Variants in ZSCAN2 observed in about 807,000 individuals in gnomAD.
ZSCAN2 encodes the protein zinc finger and SCAN domain containing 2.
A neutral mutation model predicts 47.8 loss-of-function variants in ZSCAN2; 26 were observed. The ratio of observed to expected loss-of-function variants is 0.54; its 90% CI spans 0.40 to 0.75. The LOEUF (loss-of-function observed/expected upper bound fraction) is 0.75, where lower values mean the gene tolerates loss of function less well. Among genes scored for constraint, ZSCAN2 ranks in the 30% least tolerant of loss-of-function variants. ZSCAN2 has a pLI of 0.00. For missense variants in ZSCAN2, 732 were observed against 785.4 expected, an observed-to-expected ratio of 0.93 and a Z score of 0.81; for synonymous variants, 305 against 288.7, an observed-to-expected ratio of 1.06 and a Z score of -0.57.
chr15:84,621,955 A>G lies in ZSCAN2; in HGVS notation c.1760A>G (p.Lys587Arg). The G allele has an allele frequency of 6.2e-7, 1 of 1,613,656 alleles. No homozygotes were observed. The change falls in exon 3 of 3, where the codon AAA (lysine) becomes AGA (arginine). Residue 587 changes from lysine to arginine, a missense_variant. Around this residue, in one of 2 missense-constraint regions of ZSCAN2, gnomAD observed 412 missense variants for 498.0 expected, o/e 0.83. Coordinates refer to ENST00000546148, the MANE Select transcript of ZSCAN2 (RefSeq NM_181877.4). This position sits in a 1 kb window ranked among gnomAD's most constrained non-coding sequence, Gnocchi z 5.7. Reference protein sequence around the residue: ...QRIHTGEKPYKCPECGKGFSN... With the variant: ...QRIHTGEKPYRCPECGKGFSN... ...ATCCACACTGGGGAGAAGCCCTACA[A>G]ATGCCCCGAGTGTGGCAAAGGCTTC...
chr15:84,606,387 A>T, intron 2 of ZSCAN2: 1 of 683,804 alleles, frequency 1.5e-6, no homozygotes, highest in Non-Finnish European at 2.6e-6. Flanking sequence ...TGGAGCCAGG[A>T]TTCAAACCCA....
intron 2 of ZSCAN2, among the ~76,000 whole-genome samples, chr15:84,604,628 G>A (rs573856552): frequency 1.3e-5 from 2 of 152,316 alleles, no homozygotes; most frequent in South Asian, 4.1e-4. Context: ...TAAACGGGAG[G>A]AGATGGAGAC....
At chr15:84,617,908 A>G (rs937863642) in intron 2 of ZSCAN2, among the ~76,000 whole-genome samples, 4 of 152,144 alleles carry the variant, frequency 2.6e-5, no homozygotes, top group Non-Finnish European at 5.9e-5. Flanking sequence ...CTACTGTACT[A>G]CCGCCTCGGT....
Position 84,621,752 on chromosome 15 carries a change from G to A in ZSCAN2, c.1557G>A (p.Val519=). ...TCAGCCAGCGCTCCCAGCTCGTAGTGCACCAGCGGACCCACACGGGCGAGA... is the reference window on the plus strand; with the variant it reads ...TCAGCCAGCGCTCCCAGCTCGTAGTACACCAGCGGACCCACACGGGCGAGA... ...KCFSQRSQLV[V]HQRTHTGEKP... is the part of the protein sequence containing the mutation. Residue 519 remains valine (V), a synonymous_variant, in exon 3 of 3, where the codon GTG becomes GTA. Transcript: ENST00000546148. The surrounding 1 kb of genome is among the most constrained non-coding windows in gnomAD (Gnocchi z 5.7). The A allele has an allele frequency of 6.2e-7, 1 of 1,614,094 alleles. No homozygotes were observed. The highest frequency in any genetic ancestry group is 8.5e-7 in the Non-Finnish European group (1 of 1,180,008).
In ZSCAN2 at chr15:84,622,233, A is replaced by G. The variant is rs1314399179; in HGVS notation, c.*193A>G. ...GAGTCAAGTCCCGTATACATTCAAG[A>G]ACAGGGCATAGGCGTGGAAGGTCTG... On this transcript the variant is annotated 3_prime_UTR_variant, in exon 3 of 3. Transcript: ENST00000546148. 1 of 618,206 alleles carries G rather than the reference A, an allele frequency of 1.6e-6. No individual in the cohort carries two copies. Among genetic ancestry groups the G allele is most frequent in the Non-Finnish European group, 2.9e-6 (1 of 346,114 alleles). The allele number at this position is 618,206 out of a possible 1,614,324, so 38.3% of individuals were successfully genotyped here.
In ZSCAN2 at chr15:84,609,765, T is replaced by G. The variant is rs553140325; in HGVS notation, c.406+5432T>G. On this transcript the variant is annotated intron_variant, in intron 2 of 2. Transcript: ENST00000546148. ...CCTATATCAGAACCACTTCTCTATT[T>G]TAGACCAGTGGCTGAGACACAGGGG... Among the ~76,000 whole-genome samples the G allele has an allele frequency of 7.2e-5, 11 of 152,268 alleles. No individual in the cohort carries two copies. The South Asian group carries it at 1.0e-3, about 14-fold the overall frequency.
At position 84,606,866 on chromosome 15, in the gene ZSCAN2, C is replaced by T. The variant is rs184557921; in HGVS notation, c.406+2533C>T. On this transcript the variant is annotated intron_variant, in intron 2 of 2. Transcript: ENST00000546148. ...TCTTTGTTGGTCTTTGTTTAATAAA[C>T]GCCCCGACCTTCCTCATGATTGCTC... 4.4e-4 allele frequency: 516 copies of T among 1,168,040 alleles called. 2 individuals carry two copies. Among genetic ancestry groups the T allele is most frequent in the Middle Eastern group, 1.4e-3 (4 of 2,818 alleles). The allele number at this position is 1,168,040 out of a possible 1,614,324, so 72.4% of individuals were successfully genotyped here.
intron 2 of ZSCAN2, among the ~76,000 whole-genome samples, chr15:84,612,946 A>C (rs749001650): frequency 3.9e-5 from 6 of 152,226 alleles, no homozygotes; most frequent in Non-Finnish European, 7.4e-5. Flanking sequence ...TTCATCTAAT[A>C]GTTTGATGCT....
At chr15:84,620,540 T>C in intron 2 of ZSCAN2, 62 bp from the exon 3 acceptor site, 6 of 1,419,458 alleles carry the variant, frequency 4.2e-6, no homozygotes, top group Non-Finnish European at 5.8e-6. Context: ...CCCCCTTCGT[T>C]TTCTTTTGTC....
At chr15:84,608,194 A>T (rs1389428793) in intron 2 of ZSCAN2, among the ~76,000 whole-genome samples, 1 of 151,546 alleles carries the variant, frequency 6.6e-6, no homozygotes, top group African/African-American at 2.4e-5. Context: ...TCCCTTCAGT[A>T]TCATGAACCT....
intron 2 of ZSCAN2, chr15:84,606,879 C>G: frequency 8.8e-7 from 1 of 1,137,484 alleles, no homozygotes; most frequent in Non-Finnish European, 1.1e-6. Flanking sequence ...CCCGACCTTC[C>G]TCATGATTGC....
chr15:84,622,170 T>C lies in ZSCAN2; in HGVS notation c.*130T>C. The C allele has an allele frequency of 2.5e-6, 2 of 809,858 alleles. No individual in the cohort carries two copies. Among genetic ancestry groups the C allele is most frequent in the Non-Finnish European group, 4.0e-6 (2 of 499,438 alleles). 50.2% of individuals were successfully genotyped at this position (809,858 alleles called of 1,614,324 possible). ...GGTTTTGCCAGAGTCTTCCCCTTGCTCATCCTCATTTCCAGGACACTGTCA... is the reference window on the plus strand; with the variant it reads ...GGTTTTGCCAGAGTCTTCCCCTTGCCCATCCTCATTTCCAGGACACTGTCA... On this transcript the variant is annotated 3_prime_UTR_variant, in exon 3 of 3. Transcript: ENST00000546148.
At position 84,603,959 on chromosome 15, in the gene ZSCAN2, C is replaced by T. The variant is rs747332308; in HGVS notation, c.32C>T (p.Thr11Ile). The change falls in exon 2 of 3, where the codon ACT (threonine) becomes ATT (isoleucine). Residue 11 changes from threonine to isoleucine, a missense_variant. This residue lies in a region of ZSCAN2 where 320 missense variants were observed against 287.4 expected (regional missense o/e 1.11). Coordinates refer to ENST00000546148, the MANE Select transcript of ZSCAN2 (RefSeq NM_181877.4). ...GCTGCAGACATCCCGAGAGTGACCA[C>T]TCCGCTGAGCTCCTTGGTCCAGGTG... MMAADIPRVT[T>I]PLSSLVQVPQ... 145 of 1,613,782 alleles carry T rather than the reference C, an allele frequency of 9.0e-5. 1 individual carries two copies. The South Asian group carries it at 1.5e-3, about 17-fold the overall frequency.
chr15:84,602,919 G>T (rs1402462835), intron 1 of ZSCAN2, among the ~76,000 whole-genome samples: 1 of 152,124 alleles, frequency 6.6e-6, no homozygotes, highest in Admixed American at 6.5e-5. Context: ...CTATATGGGT[G>T]TGTCATAGTT....
chr15:84,623,048 C>G lies in ZSCAN2; in HGVS notation c.*1008C>G. 1 of 207,498 alleles carries G rather than the reference C, an allele frequency of 4.8e-6. No individual in the cohort carries two copies. The allele number at this position is 207,498 out of a possible 1,614,324, so 12.9% of individuals were successfully genotyped here. ...TATTTTTTATTTGATATATGCCGAG[C>G]TAGAATCCTGTCGGGTAGCTTTTGT... is the stretch of plus-strand genomic sequence containing the variant. On this transcript the variant is annotated 3_prime_UTR_variant, in exon 3 of 3. Coordinates refer to ENST00000546148, the MANE Select transcript of ZSCAN2 (RefSeq NM_181877.4).
intron 2 of ZSCAN2, among the ~76,000 whole-genome samples, chr15:84,613,839 G>A (rs961898736): frequency 2.6e-5 from 4 of 151,612 alleles, no homozygotes; most frequent in Non-Finnish European, 5.9e-5. Context: ...GTACCACCAT[G>A]CCCAGCTCAT....
intron 2 of ZSCAN2, chr15:84,616,510 C>T: frequency 1.0e-5 from 14 of 1,365,922 alleles, no homozygotes; most frequent in Non-Finnish European, 1.2e-5. Flanking sequence ...TTCCTCATTG[C>T]TTTTACCCAG....
chr15:84,612,342 T>G (rs185241276), intron 2 of ZSCAN2, among the ~76,000 whole-genome samples: 11 of 152,336 alleles, frequency 7.2e-5, no homozygotes, highest in African/African-American at 2.6e-4. Flanking sequence ...AGGACTGGTC[T>G]TTGAGCAGTA....
Position 84,621,991 on chromosome 15 carries a change from C to CG in ZSCAN2, c.1796_1797insG (p.Asn600Ter). The CG allele has an allele frequency of 6.2e-7, 1 of 1,613,684 alleles. No homozygotes were observed. The highest frequency in any genetic ancestry group is 8.5e-7 in the Non-Finnish European group (1 of 1,179,720). On this transcript the variant is annotated frameshift_variant, in exon 3 of 3. Transcript: ENST00000546148. LOFTEE classifies it high-confidence loss of function. This position sits in a 1 kb window ranked among gnomAD's most constrained non-coding sequence, Gnocchi z 5.7. The stretch of plus-strand genomic sequence containing the variant: ...TGTGGCAAAGGCTTCAGCAACAGCT[C>CG]TAACTTTATCACACATCAGAGAACT...
Sources: gnomAD v4.1 joint callset for allele counts (sites outside exome capture counted in the v4.1 genomes callset) on GRCh38, gnomAD v4.1.1 for gene constraint, gnomAD v4.1.1 regional missense constraint, Gnocchi (gnomAD v3.1) non-coding constraint, MANE v1.5 for transcripts, NCBI Gene and HGNC (gene_info 2026-07-23, HGNC 2026-07-21) for gene names.